Variants in DMD observed in about 807,000 individuals in gnomAD.
The protein encoded by DMD is dystrophin.
Under a neutral mutation model 330.1 loss-of-function variants are expected in DMD, and 63 were observed. The observed-to-expected ratio is 0.19, with a 90% CI of 0.16 to 0.24. The LOEUF (loss-of-function observed/expected upper bound fraction) is 0.24, where lower values mean the gene tolerates loss of function less well. Ranked by LOEUF, DMD falls within the 10% of genes least tolerant of loss-of-function variation. The pLI is 1.00. For synonymous variants in DMD, 1,223 were observed against 959.8 expected (o/e 1.27, Z -5.07); for missense variants, 3,344 against 2,684.1 (o/e 1.25, Z -5.43).
Position 31,159,055 on chromosome X carries a change from A to C in DMD, c.10553+10388T>G, listed in dbSNP as rs938687145. Among the ~76,000 whole-genome samples, 9 of 112,038 alleles carry C rather than the reference A, an allele frequency of 8.0e-5. 1 individual carries two copies. Among genetic ancestry groups the C allele is most frequent in the Admixed American group, 9.4e-5 (1 of 10,599 alleles). ...AGGGAGATACCTGAAAATCAACCCCAAAAACCCATCAAGTAACAGAAAAAC... is the reference window on the plus strand; with the variant it reads ...AGGGAGATACCTGAAAATCAACCCCCAAAACCCATCAAGTAACAGAAAAAC... On this transcript the variant is annotated intron_variant, in intron 74 of 78. Coordinates refer to ENST00000357033, the MANE Select transcript of DMD (RefSeq NM_004006.3).
chrX:32,950,758 G>C (rs2091197453), intron 2 of DMD, among the ~76,000 whole-genome samples: 2 of 111,373 alleles, frequency 1.8e-5, no homozygotes, highest in African/African-American at 6.5e-5. Context: ...CCGGAGACAG[G>C]TAGGCAAGAC....
intron 42 of DMD, among the ~76,000 whole-genome samples, chrX:32,301,429 GT>G (rs200945401): frequency 9.2e-6 from 1 of 108,883 alleles, no homozygotes; most frequent in South Asian, 3.8e-4. Context: ...GAAAGTTCTT[GT>G]TTTTTTTCCA....
intron 2 of DMD, among the ~76,000 whole-genome samples, chrX:33,016,900 T>G (rs7883968): frequency 0.065 from 7,299 of 111,903 alleles, 585 homozygotes; most frequent in African/African-American, 0.22. Context: ...ATGCGAATCA[T>G]ATTTGTCATA....
intron 9 of DMD, among the ~76,000 whole-genome samples, chrX:32,695,845 G>T (rs754313342): frequency 2.9e-4 from 33 of 112,009 alleles, no homozygotes; most frequent in Non-Finnish European, 5.6e-4. Flanking sequence ...AGCTAAAGAA[G>T]TTGGAAGAAC....
chrX:33,082,364 T>G (rs761851600), intron 1 of DMD, among the ~76,000 whole-genome samples: 28 of 112,209 alleles, frequency 2.5e-4, no homozygotes, highest in Non-Finnish European at 4.3e-4. Context: ...TGCAAAGACA[T>G]AGTAAGAAGT....
At chrX:32,803,551 G>GA (rs1292462076) in intron 7 of DMD, among the ~76,000 whole-genome samples, 1 of 110,703 alleles carries the variant, frequency 9.0e-6, no homozygotes, top group Non-Finnish European at 1.9e-5. Flanking sequence ...TGTGATGTTA[G>GA]GATGTCGATT....
rs767956436 is a variant in DMD at position 32,263,499 on chromosome X, G to T, written c.6290+24030C>A. Reference sequence around the variant, plus strand: ...ACTATCAAGAACTTGGCAAAATTTGGTTTTTTACTTTGTGAATGTATTAAA... The same window carrying T: ...ACTATCAAGAACTTGGCAAAATTTGTTTTTTTACTTTGTGAATGTATTAAA... On this transcript the variant is annotated intron_variant, in intron 43 of 78. Coordinates refer to ENST00000357033, the MANE Select transcript of DMD (RefSeq NM_004006.3). Among the ~76,000 whole-genome samples the T allele has an allele frequency of 8.0e-5, 9 of 112,276 alleles. No homozygotes were observed. The East Asian group carries it at 1.4e-3, about 17-fold the overall frequency.
chrX:32,809,919 C>CAAAAAAAAAAAA (rs55898363), intron 6 of DMD, among the ~76,000 whole-genome samples: 27 of 28,643 alleles, frequency 9.4e-4, no homozygotes, highest in East Asian at 1.6e-3. Flanking sequence ...TTGTTTCTAC[C>CAAAAAAAAAAAA]AAAAAAAAAA....
At chrX:32,012,676 A>G (rs182470558) in intron 44 of DMD, among the ~76,000 whole-genome samples, 1 of 111,864 alleles carries the variant, frequency 8.9e-6, no homozygotes, top group Admixed American at 9.5e-5. Context: ...GGCAGTTACG[A>G]AGGGCCCGAA....
intron 21 of DMD, among the ~76,000 whole-genome samples, chrX:32,476,242 T>A (rs2041225951): frequency 9.0e-6 from 1 of 111,519 alleles, no homozygotes; most frequent in Admixed American, 9.6e-5. Flanking sequence ...ATTATTGATC[T>A]TTTTCTGTAT....
At chrX:32,242,998 A>G (rs867683175) in intron 43 of DMD, among the ~76,000 whole-genome samples, 1 of 97,558 alleles carries the variant, frequency 1.0e-5, no homozygotes, top group African/African-American at 3.8e-5. Flanking sequence ...AGGAAGGAAG[A>G]AACAAAAGAA....
intron 2 of DMD, among the ~76,000 whole-genome samples, chrX:33,016,778 T>G (rs2093811469): frequency 9.0e-6 from 1 of 111,697 alleles, no homozygotes; most frequent in South Asian, 3.7e-4. Context: ...CCCATAAAAT[T>G]TTTTCTCAAA....
At position 31,131,040 on chromosome X, in the gene DMD, C is replaced by T. The variant is rs574091571; in HGVS notation, c.11014+3062G>A. Among the ~76,000 whole-genome samples, 19 of 111,635 alleles carry T rather than the reference C, an allele frequency of 1.7e-4. No homozygotes were observed. In the South Asian group the frequency reaches 7.2e-3, roughly 42 times the overall value. On this transcript the variant is annotated intron_variant, in intron 77 of 78. Coordinates refer to ENST00000357033, the MANE Select transcript of DMD (RefSeq NM_004006.3). ...TGTTTTGAGTTACTCAAACAGCTGT[C>T]CAAAACAGCTGTAGCAATCATGAAC...
chrX:32,027,407 A>C (rs1048946757), intron 44 of DMD, among the ~76,000 whole-genome samples: 8 of 111,579 alleles, frequency 7.2e-5, no homozygotes, highest in African/African-American at 2.6e-4. Context: ...GAATTCTTGA[A>C]GTTGGGGACA....
intron 13 of DMD, among the ~76,000 whole-genome samples, chrX:32,576,999 T>C (rs2053132673): frequency 1.8e-5 from 2 of 111,692 alleles, no homozygotes; most frequent in African/African-American, 3.3e-5. Flanking sequence ...ACAGGCTCAA[T>C]TGTGTCCCAT....
chrX:32,555,315 G>T (rs1208841846), intron 16 of DMD, among the ~76,000 whole-genome samples: 2 of 111,193 alleles, frequency 1.8e-5, no homozygotes, highest in Non-Finnish European at 3.8e-5. Flanking sequence ...AATAATAAGA[G>T]CCATAAATTA....
At chrX:32,677,037 TTTTA>T (rs1439547489) in intron 9 of DMD, among the ~76,000 whole-genome samples, 1 of 111,638 alleles carries the variant, frequency 9.0e-6, no homozygotes, top group African/African-American at 3.2e-5. Context: ...AAATTACATG[TTTTA>T]TTTATTTTTG....
chrX:32,343,047 A>G (rs1180312434), intron 40 of DMD, 87 bp downstream of exon 40: 1 of 965,370 alleles, frequency 1.0e-6, no homozygotes, highest in Non-Finnish European at 1.5e-6. Context: ...TAATAGAAAC[A>G]AGAACATCAA....
chrX:31,625,821 GAT>G (rs1315448456), intron 55 of DMD, among the ~76,000 whole-genome samples: 1 of 111,136 alleles, frequency 9.0e-6, no homozygotes, highest in Non-Finnish European at 1.9e-5. Context: ...TAGATTTAAA[GAT>G]ATGTTTTATT....
Sources: allele counts gnomAD v4.1 joint callset (sites outside exome capture counted in the v4.1 genomes callset), GRCh38; gene constraint gnomAD v4.1.1; transcripts MANE v1.5; gene names NCBI Gene and HGNC (gene_info 2026-07-23, HGNC 2026-07-21).